FNDC3B: variants seen among roughly 807,000 people sequenced by gnomAD.
FNDC3B encodes fibronectin type III domain containing 3B.
A neutral mutation model predicts 151.5 loss-of-function variants in FNDC3B; 12 were observed. That is an observed-to-expected ratio of 0.08 (90% CI 0.05 to 0.13). The LOEUF (loss-of-function observed/expected upper bound fraction) is 0.13. Among genes scored for constraint, FNDC3B ranks in the 10% least tolerant of loss-of-function variants. The probability of loss-of-function intolerance (pLI) is 1.00; values close to 1 mark genes in which losing one functional copy is unlikely to be tolerated. For synonymous variants in FNDC3B, 528 were observed against 549.0 expected, an observed-to-expected ratio of 0.96 and a Z score of 0.54; for missense variants, 1,214 against 1,505.3, an observed-to-expected ratio of 0.81 and a Z score of 3.20.
chr3:172,253,085 A>G (rs1728165782), intron 6 of FNDC3B, among the ~76,000 whole-genome samples: 1 of 152,248 alleles, frequency 6.6e-6, no homozygotes, highest in Admixed American at 6.5e-5. Flanking sequence ...GAGAATGTAT[A>G]AATTGTCCAG....
chr3:172,310,171 A>C (rs1188361860), intron 10 of FNDC3B, among the ~76,000 whole-genome samples: 1 of 152,146 alleles, frequency 6.6e-6, no homozygotes, highest in African/African-American at 2.4e-5. Context: ...TTTTCTCCAG[A>C]GTTCTTTACT....
chr3:172,153,507 C>A (rs1329133515), intron 3 of FNDC3B, among the ~76,000 whole-genome samples: 3 of 152,200 alleles, frequency 2.0e-5, no homozygotes. Context: ...CTGAGCAGAA[C>A]AGAGCCACCT....
intron 2 of FNDC3B, among the ~76,000 whole-genome samples, chr3:172,130,176 T>C (rs1372207772): frequency 2.0e-5 from 3 of 152,190 alleles, no homozygotes; most frequent in Non-Finnish European, 4.4e-5. Context: ...GTCAAACTTA[T>C]TTTTATCTCT....
intron 1 of FNDC3B, among the ~76,000 whole-genome samples, chr3:172,051,105 T>C (rs1015259520): frequency 7.3e-5 from 11 of 149,976 alleles, no homozygotes; most frequent in African/African-American, 2.5e-4. Flanking sequence ...TTTTTGGAGA[T>C]GGAGTTTCAC....
chr3:172,315,105 G>A (rs893759400), intron 11 of FNDC3B, among the ~76,000 whole-genome samples: 3 of 152,210 alleles, frequency 2.0e-5, no homozygotes, highest in African/African-American at 7.2e-5. Flanking sequence ...AGCCGGGCGC[G>A]GTGGCTCACG....
intron 3 of FNDC3B, among the ~76,000 whole-genome samples, chr3:172,151,876 C>T (rs1722241480): frequency 6.6e-6 from 1 of 152,154 alleles, no homozygotes; most frequent in East Asian, 1.9e-4. Flanking sequence ...TTGCAGCTTC[C>T]AGGAACCTGT....
At chr3:172,380,889 C>T in intron 24 of FNDC3B, 77 bp from the exon 25 acceptor site, 1 of 1,509,698 alleles carries the variant, frequency 6.6e-7, no homozygotes. Flanking sequence ...TCTGGGTTCT[C>T]ACTAATAGTG....
chr3:172,060,306 G>A (rs575884254), intron 1 of FNDC3B, among the ~76,000 whole-genome samples: 41 of 152,248 alleles, frequency 2.7e-4, no homozygotes, highest in African/African-American at 9.9e-4. Context: ...TAGGGTGGGG[G>A]GTGGTAGTGG....
In FNDC3B at chr3:172,065,188, C is replaced by T. The variant is rs148017585; in HGVS notation, c.-29+25417C>T. On this transcript the variant is annotated intron_variant, in intron 1 of 25. Coordinates refer to ENST00000415807, the MANE Select transcript of FNDC3B (RefSeq NM_022763.4). ...CTCTACTAAAAATATAAAAATTAGCCGGGCATGGTGGCATGCACCTGTAGT... is the reference window on the plus strand; with the variant it reads ...CTCTACTAAAAATATAAAAATTAGCTGGGCATGGTGGCATGCACCTGTAGT... Among the ~76,000 whole-genome samples, 787 of 152,156 alleles carry T rather than the reference C, an allele frequency of 5.2e-3. 5 individuals carry two copies. The highest frequency in any genetic ancestry group is 0.018 in the African/African-American group (747 of 41,508).
chr3:172,054,691 T>C (rs562400537), intron 1 of FNDC3B, among the ~76,000 whole-genome samples: 1 of 152,324 alleles, frequency 6.6e-6, no homozygotes, highest in Non-Finnish European at 1.5e-5. Context: ...GGAGGGAGGC[T>C]GTAAGTGCTA....
intron 11 of FNDC3B, among the ~76,000 whole-genome samples, chr3:172,319,879 T>C (rs1277143940): frequency 6.6e-6 from 1 of 152,236 alleles, no homozygotes; most frequent in African/African-American, 2.4e-5. Context: ...AACTTTATTT[T>C]TTATGTATTG....
At chr3:172,074,616 A>G (rs1717922165) in intron 1 of FNDC3B, among the ~76,000 whole-genome samples, 1 of 152,182 alleles carries the variant, frequency 6.6e-6, no homozygotes, top group Admixed American at 6.6e-5. Flanking sequence ...TGTTGCAGAT[A>G]TCTTAGTTTG....
intron 25 of FNDC3B, among the ~76,000 whole-genome samples, chr3:172,388,623 C>A (rs1735849619): frequency 6.6e-6 from 1 of 152,184 alleles, no homozygotes; most frequent in Non-Finnish European, 1.5e-5. Flanking sequence ...GGAGGCACAG[C>A]TGTATGGCAG....
At chr3:172,182,991 C>A (rs1363181713) in intron 3 of FNDC3B, among the ~76,000 whole-genome samples, 2 of 152,206 alleles carry the variant, frequency 1.3e-5, no homozygotes, top group African/African-American at 4.8e-5. Context: ...AAGCAAGATA[C>A]AGCAAGCTAA....
At chr3:172,073,104 G>A (rs909038790) in intron 1 of FNDC3B, among the ~76,000 whole-genome samples, 3 of 152,160 alleles carry the variant, frequency 2.0e-5, no homozygotes, top group Non-Finnish European at 4.4e-5. Flanking sequence ...TCATTTAGCA[G>A]TTATAACACA....
intron 14 of FNDC3B, among the ~76,000 whole-genome samples, chr3:172,333,895 C>A (rs114323789): frequency 0.02 from 3,117 of 152,192 alleles, 116 homozygotes; most frequent in African/African-American, 0.071. Flanking sequence ...TGACCCACCC[C>A]CTCCCTACCT....
At chr3:172,129,450 T>C (rs1157919483) in intron 2 of FNDC3B, among the ~76,000 whole-genome samples, 1 of 152,242 alleles carries the variant, frequency 6.6e-6, no homozygotes, top group African/African-American at 2.4e-5. Flanking sequence ...CTTTTCCTCT[T>C]TTAATGAGTA....
At chr3:172,378,190 C>G in intron 23 of FNDC3B, 80 bp from the exon 24 acceptor site, 1 of 1,327,264 alleles carries the variant, frequency 7.5e-7, no homozygotes, top group Non-Finnish European at 1.0e-6. Context: ...GCCTAATCTG[C>G]TCCATTAGTT....
chr3:172,244,617 CTTTTTTTTTTTTTTTT>C (rs11294678), intron 4 of FNDC3B, among the ~76,000 whole-genome samples: 6 of 73,064 alleles, frequency 8.2e-5, no homozygotes, highest in African/African-American at 3.1e-4. Context: ...AATATTTCAC[CTTTTTTTTTTTTTTTT>C]TTTTTTTTTG....
Sources: gnomAD v4.1 joint callset for allele counts (sites outside exome capture counted in the v4.1 genomes callset) on GRCh38, gnomAD v4.1.1 for gene constraint, MANE v1.5 for transcripts, NCBI Gene and HGNC (gene_info 2026-07-23, HGNC 2026-07-21) for gene names.